ADAMTS12: variants seen among roughly 807,000 people sequenced by gnomAD.
The protein encoded by ADAMTS12 is ADAM metallopeptidase with thrombospondin type 1 motif 12, also known as A disintegrin and metalloproteinase with thrombospondin motifs 12.
A neutral mutation model predicts 167.8 loss-of-function variants in ADAMTS12; 118 were observed. The observed-to-expected ratio is 0.70, with a 90% CI of 0.61 to 0.82. The LOEUF is 0.82. Among genes scored for constraint, ADAMTS12 ranks in the 40% least tolerant of loss-of-function variants. The pLI is 0.00. For missense variants in ADAMTS12, 1,916 were observed against 1,998.8 expected, an observed-to-expected ratio of 0.96 and a Z score of 0.79; for synonymous variants, 704 against 716.9, an observed-to-expected ratio of 0.98 and a Z score of 0.29.
Position 33,630,911 on chromosome 5 carries a change from G to A in ADAMTS12, c.1891C>T (p.His631Tyr). The A allele has an allele frequency of 1.9e-6, 3 of 1,611,818 alleles. No individual in the cohort carries two copies. Among genetic ancestry groups the A allele is most frequent in the Non-Finnish European group, 2.5e-6 (3 of 1,178,534 alleles). Reference protein sequence around the residue: ...YHWFPIFNPAHPCELYCRPID... With the variant: ...YHWFPIFNPAYPCELYCRPID... Reference sequence around the variant, plus strand: ...GGTCGGCAGTAGAGCTCACAAGGATGTGCTGAAGGGAAAAAAGAAGGCAAA... The same window carrying A: ...GGTCGGCAGTAGAGCTCACAAGGATATGCTGAAGGGAAAAAAGAAGGCAAA... The change falls in exon 13 of 24, where the codon CAT becomes TAT. Residue 631 changes from histidine (H) to tyrosine (Y), a missense_variant and splice_region_variant. Transcript: ENST00000504830.
chr5:33,853,478 A>G (rs944475955), intron 2 of ADAMTS12, among the ~76,000 whole-genome samples: 1 of 152,218 alleles, frequency 6.6e-6, no homozygotes, highest in African/African-American at 2.4e-5. Context: ...AACATAACGC[A>G]ACACAGCAGA....
intron 3 of ADAMTS12, among the ~76,000 whole-genome samples, chr5:33,735,234 T>C (rs1744329633): frequency 6.6e-6 from 1 of 152,216 alleles, no homozygotes; most frequent in Admixed American, 6.5e-5. Flanking sequence ...ATGCAGATAC[T>C]GTGCCCCACC....
intron 1 of ADAMTS12, among the ~76,000 whole-genome samples, chr5:33,890,140 T>C (rs2111813843): frequency 6.6e-6 from 1 of 152,196 alleles, no homozygotes; most frequent in South Asian, 2.1e-4. Context: ...GGTGTCTGCT[T>C]CACACCAAGC....
intron 14 of ADAMTS12, among the ~76,000 whole-genome samples, chr5:33,618,000 G>A (rs1354897082): frequency 6.6e-6 from 1 of 152,142 alleles, no homozygotes; most frequent in African/African-American, 2.4e-5. Flanking sequence ...AGGGCACTGA[G>A]CCCCTACGCA....
intron 2 of ADAMTS12, among the ~76,000 whole-genome samples, chr5:33,809,098 G>C (rs1015920079): frequency 6.6e-6 from 1 of 152,110 alleles, no homozygotes; most frequent in Non-Finnish European, 1.5e-5. Context: ...TTCTTTGCTT[G>C]AAATTGTTTT....
intron 16 of ADAMTS12, among the ~76,000 whole-genome samples, chr5:33,598,698 T>C (rs1738035072): frequency 6.6e-6 from 1 of 152,228 alleles, no homozygotes; most frequent in Non-Finnish European, 1.5e-5. Context: ...GTCAGGATGT[T>C]TCAAAATGAT....
intron 3 of ADAMTS12, among the ~76,000 whole-genome samples, chr5:33,745,185 G>C (rs1339393092): frequency 2.0e-5 from 3 of 152,048 alleles, no homozygotes; most frequent in African/African-American, 7.2e-5. Flanking sequence ...TATGGGTGAG[G>C]GGTGGAAAGC....
intron 5 of ADAMTS12, among the ~76,000 whole-genome samples, chr5:33,667,374 G>A (rs1310299782): frequency 6.7e-6 from 1 of 149,852 alleles, no homozygotes; most frequent in African/African-American, 2.5e-5. Context: ...ACTTGAAAGA[G>A]TAAATATACA....
chr5:33,811,143 T>C (rs920951976), intron 2 of ADAMTS12, among the ~76,000 whole-genome samples: 2 of 152,164 alleles, frequency 1.3e-5, no homozygotes, highest in Non-Finnish European at 2.9e-5. Flanking sequence ...TGGGGGCTAA[T>C]AGTACGTACT....
rs984706807 is a variant in ADAMTS12 at position 33,533,581 on chromosome 5, A to G, written c.4606+1252T>C. Among the ~76,000 whole-genome samples, 3 of 152,176 alleles carry G rather than the reference A, an allele frequency of 2.0e-5. No individual in the cohort carries two copies. In the South Asian group the frequency reaches 6.2e-4, roughly 32 times the overall value. ...GGAAGACATGAATAACACTTCTGAAAATGAGCTCTAGGTGGTTTCTTCTGG... is the reference window on the plus strand; with the variant it reads ...GGAAGACATGAATAACACTTCTGAAGATGAGCTCTAGGTGGTTTCTTCTGG... On this transcript the variant is annotated intron_variant, in intron 23 of 23. Transcript: ENST00000504830.
Position 33,891,931 on chromosome 5 carries a change from G to A in ADAMTS12, c.-75C>T. ...TCCAGAAATAAAGCGCTCGCCTGTG[G>A]CCCAGCAGGAAGATGCAGGGGTGCA... On this transcript the variant is annotated 5_prime_UTR_variant, in exon 1 of 24. Transcript: ENST00000504830. The A allele has an allele frequency of 1.3e-6, 2 of 1,561,150 alleles. No homozygotes were observed. Among genetic ancestry groups the A allele is most frequent in the East Asian group, 2.3e-5 (1 of 44,316 alleles).
At chr5:33,849,675 G>A (rs944975084) in intron 2 of ADAMTS12, among the ~76,000 whole-genome samples, 2,730 of 129,588 alleles carry the variant, frequency 0.021, 339 homozygotes, top group African/African-American at 0.055. Context: ...TATATGTATT[G>A]CACAGCAATA....
At chr5:33,539,165 C>A (rs911709168) in intron 22 of ADAMTS12, among the ~76,000 whole-genome samples, 1 of 152,162 alleles carries the variant, frequency 6.6e-6, no homozygotes, top group Non-Finnish European at 1.5e-5. Flanking sequence ...TGGTCTTGAA[C>A]TCCTGACCTC....
rs922207501 is a variant in ADAMTS12 at position 33,791,737 on chromosome 5, C to T, written c.490-40189G>A. 4.6e-5 allele frequency among the ~76,000 whole-genome samples: 7 copies of T among 151,844 alleles called. No homozygotes were observed. In the South Asian group the frequency reaches 6.2e-4, roughly 14 times the overall value. Reference sequence around the variant, plus strand: ...ATACCCCAGATATCCTTCCAAACCACCCAATCAATTCCACTCTTTTTTATT... The same window carrying T: ...ATACCCCAGATATCCTTCCAAACCATCCAATCAATTCCACTCTTTTTTATT... On this transcript the variant is annotated intron_variant, in intron 2 of 23. Coordinates refer to ENST00000504830, the MANE Select transcript of ADAMTS12 (RefSeq NM_030955.4).
intron 3 of ADAMTS12, among the ~76,000 whole-genome samples, chr5:33,737,694 T>C (rs932747662): frequency 1.3e-5 from 2 of 152,352 alleles, no homozygotes; most frequent in East Asian, 3.9e-4. Context: ...TACAGTAAAA[T>C]GTACAACTAG....
At chr5:33,660,390 T>C (rs1422522430) in intron 6 of ADAMTS12, among the ~76,000 whole-genome samples, 2 of 152,192 alleles carry the variant, frequency 1.3e-5, no homozygotes, top group African/African-American at 4.8e-5. Context: ...GAATGATTAA[T>C]AGTAGCCAAC....
intron 14 of ADAMTS12, 67 bp from the exon 15 acceptor site, chr5:33,616,139 G>C (rs1739000362): frequency 1.3e-6 from 2 of 1,577,266 alleles, no homozygotes; most frequent in South Asian, 2.3e-5. Context: ...ATCTGTTTGT[G>C]ACCCACTGTT....
chr5:33,753,133 T>C (rs1745054470), intron 2 of ADAMTS12, among the ~76,000 whole-genome samples: 1 of 152,230 alleles, frequency 6.6e-6, no homozygotes, highest in Non-Finnish European at 1.5e-5. Flanking sequence ...GCCTACTACC[T>C]CATAGGGCTG....
intron 17 of ADAMTS12, among the ~76,000 whole-genome samples, chr5:33,591,632 C>T (rs1449435617): frequency 6.6e-6 from 1 of 152,184 alleles, no homozygotes; most frequent in Admixed American, 6.5e-5. Context: ...TTTTCCCTAG[C>T]TTTCTTGTCC....
Sources: allele counts gnomAD v4.1 joint callset (sites outside exome capture counted in the v4.1 genomes callset), GRCh38; gene constraint gnomAD v4.1.1; transcripts MANE v1.5; gene names NCBI Gene and HGNC (gene_info 2026-07-23, HGNC 2026-07-21).